FOXN3: variants seen among roughly 807,000 people sequenced by gnomAD.
The protein encoded by FOXN3 is forkhead box N3.
FOXN3 carries 7 observed loss-of-function variants against 38.4 expected under a neutral mutation model. That is an observed-to-expected ratio of 0.18 (90% CI 0.10 to 0.34). The LOEUF (loss-of-function observed/expected upper bound fraction) is 0.34. FOXN3 is among the 10% of genes least tolerant of loss of function. The probability of loss-of-function intolerance (pLI) is 1.00; values close to 1 mark genes in which losing one functional copy is unlikely to be tolerated. For synonymous variants in FOXN3, 230 were observed against 242.2 expected (o/e 0.95, Z 0.47); for missense variants, 456 against 613.4 (o/e 0.74, Z 2.71).
At chr14:89,434,129 G>C (rs990184775) in intron 1 of FOXN3, among the ~76,000 whole-genome samples, 1 of 148,828 alleles carries the variant, frequency 6.7e-6, no homozygotes, top group Non-Finnish European at 1.5e-5. Context: ...TTCACCAGGA[G>C]TCAACCTGGT....
At chr14:89,561,922 G>A (rs1895256863) in intron 1 of FOXN3, among the ~76,000 whole-genome samples, 1 of 152,106 alleles carries the variant, frequency 6.6e-6, no homozygotes, top group Admixed American at 6.5e-5. Flanking sequence ...AAAATCAATT[G>A]TCAACAGATT....
chr14:89,363,947 AATAT>A lies in FOXN3; in HGVS notation c.544-13143_544-13140del, dbSNP rs67802765. 5.2e-3 allele frequency among the ~76,000 whole-genome samples: 575 copies of A among 111,250 alleles called. 16 individuals are homozygous for A. The highest frequency in any genetic ancestry group is 0.012 in the Middle Eastern group (3 of 254). The allele number at this position is 111,250 out of a possible 152,430, so 73.0% of individuals were successfully genotyped here. A position where few individuals can be genotyped will look rare whatever the true frequency, so the allele number is the denominator to read the frequency against. ...TAACTGAGCAAGACCCTGTCTGTAA[AATAT>A]ATATATATATATATATATATATATA... On this transcript the variant is annotated intron_variant, in intron 2 of 5. Coordinates refer to ENST00000557258, the MANE Select transcript of FOXN3 (RefSeq NM_005197.4).
intron 1 of FOXN3, among the ~76,000 whole-genome samples, chr14:89,434,919 T>C (rs918909397): frequency 1.3e-5 from 2 of 152,178 alleles, no homozygotes; most frequent in African/African-American, 2.4e-5. Context: ...AGAACTACTT[T>C]CCAAAAGCTG....
At chr14:89,174,931 A>G (rs193182444) in intron 5 of FOXN3, among the ~76,000 whole-genome samples, 67 of 152,362 alleles carry the variant, frequency 4.4e-4, no homozygotes, top group African/African-American at 1.6e-3. Flanking sequence ...CTTTACATAC[A>G]GAACAAAATA....
At chr14:89,303,498 AAAAAAAAAAAC>A (rs1887281829) in intron 3 of FOXN3, among the ~76,000 whole-genome samples, 1 of 121,646 alleles carries the variant, frequency 8.2e-6, no homozygotes, top group Non-Finnish European at 1.9e-5. Context: ...ACATCTGCTA[AAAAAAAAAAAC>A]AAAAAAAAAA....
chr14:89,348,419 T>A (rs1888836617), intron 3 of FOXN3, among the ~76,000 whole-genome samples: 1 of 152,152 alleles, frequency 6.6e-6, no homozygotes, highest in Non-Finnish European at 1.5e-5. Context: ...ACAGAAATAT[T>A]GTACAATTAC....
intron 4 of FOXN3, among the ~76,000 whole-genome samples, chr14:89,271,306 C>T (rs1886145923): frequency 6.6e-6 from 1 of 152,200 alleles, no homozygotes; most frequent in African/African-American, 2.4e-5. Flanking sequence ...CTTCCATTTA[C>T]AGTTCAACAG....
intron 2 of FOXN3, among the ~76,000 whole-genome samples, chr14:89,393,833 TACA>T (rs1210941557): frequency 3.3e-5 from 5 of 152,172 alleles, no homozygotes; most frequent in Non-Finnish European, 7.3e-5. Context: ...AGCCCAGAGG[TACA>T]ACTTGTCTAG....
At chr14:89,478,203 G>C (rs1022321651) in intron 1 of FOXN3, among the ~76,000 whole-genome samples, 1 of 152,116 alleles carries the variant, frequency 6.6e-6, no homozygotes, top group Admixed American at 6.6e-5. Flanking sequence ...TTCTCGCCAT[G>C]TGACGTGCCT....
At chr14:89,483,355 T>A (rs534542898) in intron 1 of FOXN3, among the ~76,000 whole-genome samples, 1 of 152,228 alleles carries the variant, frequency 6.6e-6, no homozygotes, top group South Asian at 2.1e-4. Context: ...ACTGGCCCAA[T>A]CCCAACTCTG....
chr14:89,194,278 T>C (rs1365488974), intron 4 of FOXN3, among the ~76,000 whole-genome samples: 1 of 152,200 alleles, frequency 6.6e-6, no homozygotes, highest in Non-Finnish European at 1.5e-5. Flanking sequence ...TTCCCAAGTG[T>C]CATCTTTTAT....
intron 1 of FOXN3, among the ~76,000 whole-genome samples, chr14:89,447,065 A>G: frequency 6.6e-6 from 1 of 152,028 alleles, no homozygotes; most frequent in East Asian, 1.9e-4. Flanking sequence ...GTGTGGTGGC[A>G]TGCACCTGTA....
At chr14:89,472,154 C>A (rs560642457) in intron 1 of FOXN3, among the ~76,000 whole-genome samples, 2 of 151,950 alleles carry the variant, frequency 1.3e-5, no homozygotes, top group South Asian at 4.2e-4. Context: ...ACTCTGGAGG[C>A]TGAGGCAGGA....
At chr14:89,377,752 C>T (rs1040764973) in intron 2 of FOXN3, among the ~76,000 whole-genome samples, 1 of 152,226 alleles carries the variant, frequency 6.6e-6, no homozygotes, top group Non-Finnish European at 1.5e-5. Flanking sequence ...CTGCACAACT[C>T]GTATGTTGAA....
chr14:89,610,499 G>A (rs1896367603), intron 1 of FOXN3, among the ~76,000 whole-genome samples: 1 of 152,122 alleles, frequency 6.6e-6, no homozygotes, highest in Non-Finnish European at 1.5e-5. Flanking sequence ...GCACCTACTG[G>A]TGTCTTCCTG....
At chr14:89,534,259 C>T (rs1276016508) in intron 1 of FOXN3, among the ~76,000 whole-genome samples, 1 of 151,828 alleles carries the variant, frequency 6.6e-6, no homozygotes, top group Non-Finnish European at 1.5e-5. Flanking sequence ...GTGCGCACCA[C>T]CACACCCAGC....
intron 4 of FOXN3, among the ~76,000 whole-genome samples, chr14:89,211,519 A>G (rs185138497): frequency 1.2e-3 from 186 of 152,354 alleles, no homozygotes; most frequent in Non-Finnish European, 2.0e-3. Flanking sequence ...AAGAAAGAAC[A>G]GGAAACAGGC....
chr14:89,164,239 G>A lies in FOXN3; in HGVS notation c.852-1270C>T, dbSNP rs911380353. Among the ~76,000 whole-genome samples the A allele has an allele frequency of 6.6e-6, 1 of 152,210 alleles. No individual in the cohort carries two copies. The highest frequency in any genetic ancestry group is 2.4e-5 in the African/African-American group (1 of 41,464). On this transcript the variant is annotated intron_variant, in intron 5 of 5. Transcript: ENST00000557258. The surrounding 1 kb of genome is among the most constrained non-coding windows in gnomAD (Gnocchi z 4.3). ...AGAAGGATGAATACTTGCAGGAGAG[G>A]AGGGTCACTTGTAGCTGAAGGGGAC...
At chr14:89,544,093 CTTTT>C (rs573929699) in intron 1 of FOXN3, among the ~76,000 whole-genome samples, 1 of 151,400 alleles carries the variant, frequency 6.6e-6, no homozygotes, top group Non-Finnish European at 1.5e-5. Flanking sequence ...TAAGAGATTG[CTTTT>C]TTTTGTTTTG....
Sources: gnomAD v4.1 joint callset for allele counts (sites outside exome capture counted in the v4.1 genomes callset) on GRCh38, gnomAD v4.1.1 for gene constraint, Gnocchi (gnomAD v3.1) non-coding constraint, MANE v1.5 for transcripts, NCBI Gene and HGNC (gene_info 2026-07-23, HGNC 2026-07-21) for gene names.